Variants in SLC67A1 observed in about 807,000 individuals in gnomAD.
SLC67A1 encodes solute carrier family 67 member 1.
the SLC67A1 span, among the ~76,000 whole-genome samples, chr11:2,911,352 G>A: frequency 2.0e-5 from 3 of 151,738 alleles, no homozygotes; most frequent in African/African-American, 7.3e-5. Context: ...CTGGGAGGGT[G>A]TCCCTGGAGG....
At chr11:2,900,707 A>AAAAAAAAAAAG in the SLC67A1 span, among the ~76,000 whole-genome samples, 1 of 150,580 alleles carries the variant, frequency 6.6e-6, no homozygotes, top group African/African-American at 2.4e-5. Flanking sequence ...AAAAAAAAAA[A>AAAAAAAAAAAG]AAAAAAAAAA....
the SLC67A1 span, chr11:2,908,293 G>C: frequency 1.8e-5 from 29 of 1,613,716 alleles, no homozygotes; most frequent in Non-Finnish European, 2.3e-5. Flanking sequence ...AACCACCTTC[G>C]GGGTGCTGCA....
At chr11:2,903,255 A>T in the SLC67A1 span, 1 of 1,543,912 alleles carries the variant, frequency 6.5e-7, no homozygotes. Flanking sequence ...GTGACTCAGC[A>T]CCCCTGCCCG....
chr11:2,912,525 C>T, the SLC67A1 span, among the ~76,000 whole-genome samples: 2 of 152,260 alleles, frequency 1.3e-5, no homozygotes, highest in African/African-American at 4.8e-5. Context: ...CCTCCCTGCC[C>T]ACCCACCTGT....
At chr11:2,913,331 G>A in the SLC67A1 span, among the ~76,000 whole-genome samples, 1,865 of 152,306 alleles carry the variant, frequency 0.012, 21 homozygotes, top group Non-Finnish European at 0.018. Context: ...CTGTCCCTCA[G>A]GACAGCCCTG....
At chr11:2,903,327 C>T in the SLC67A1 span, 1 of 1,610,844 alleles carries the variant, frequency 6.2e-7, no homozygotes, top group Non-Finnish European at 8.5e-7. Context: ...CCTGGGTCTC[C>T]CTGCTGCGCC....
the SLC67A1 span, among the ~76,000 whole-genome samples, chr11:2,912,279 C>T: frequency 5.3e-5 from 8 of 152,230 alleles, no homozygotes; most frequent in East Asian, 1.9e-4. Context: ...ACACCTCCCC[C>T]TCGGGGGCTC....
chr11:2,903,493 A>G, the SLC67A1 span: 1 of 1,613,116 alleles, frequency 6.2e-7, no homozygotes, highest in South Asian at 1.1e-5. Context: ...CGTGCCAGTG[A>G]GTAACACACC....
chr11:2,903,730 C>T, the SLC67A1 span: 1 of 569,408 alleles, frequency 1.8e-6, no homozygotes, highest in Non-Finnish European at 3.2e-6. Flanking sequence ...GGGGAGCCAC[C>T]CCACTTCCCT....
the SLC67A1 span, among the ~76,000 whole-genome samples, chr11:2,915,721 C>T: frequency 3.9e-5 from 6 of 152,140 alleles, no homozygotes; most frequent in African/African-American, 9.7e-5. Context: ...AGAGGAAGGC[C>T]GTGGCGGTCC....
the SLC67A1 span, among the ~76,000 whole-genome samples, chr11:2,910,747 G>A: frequency 6.6e-6 from 1 of 152,172 alleles, no homozygotes; most frequent in Non-Finnish European, 1.5e-5. Context: ...GTGGGATGTG[G>A]GTGGGAACTC....
the SLC67A1 span, chr11:2,899,947 G>A: frequency 4.3e-5 from 21 of 486,894 alleles, no homozygotes; most frequent in South Asian, 1.0e-4. Flanking sequence ...CCCAGGAGGC[G>A]TCTGGAACCT....
At chr11:2,922,003 G>C in the SLC67A1 span, 1 of 886,858 alleles carries the variant, frequency 1.1e-6, no homozygotes, top group Non-Finnish European at 1.9e-6. Flanking sequence ...GCCACCACAG[G>C]CCAGTCTGGA....
At chr11:2,914,620 C>A in the SLC67A1 span, 39 of 795,008 alleles carry the variant, frequency 4.9e-5, no homozygotes, top group African/African-American at 6.9e-4. Flanking sequence ...TCCTGTTGCC[C>A]ACAGCAGCAC....
chr11:2,910,605 G>A, the SLC67A1 span, among the ~76,000 whole-genome samples: 93 of 152,250 alleles, frequency 6.1e-4, no homozygotes, highest in African/African-American at 2.2e-3. Flanking sequence ...AGAATGGGGG[G>A]TGAGCTCCCC....
chr11:2,918,097 T>C, the SLC67A1 span: 1 of 1,611,230 alleles, frequency 6.2e-7, no homozygotes, highest in African/African-American at 1.3e-5. Flanking sequence ...GCCCCACAGG[T>C]GAGTCCCAAC....
At chr11:2,903,540 T>TTCC in the SLC67A1 span, 4 of 1,600,466 alleles carry the variant, frequency 2.5e-6, no homozygotes, top group Admixed American at 6.7e-5. Flanking sequence ...TGAACCGCTG[T>TTCC]TCCTCCTGCC....
chr11:2,919,277 A>G, the SLC67A1 span: 2 of 1,518,850 alleles, frequency 1.3e-6, no homozygotes, highest in Non-Finnish European at 1.8e-6. Flanking sequence ...GTGTGGGGGT[A>G]CTCACCCCTG....
At chr11:2,918,914 C>A in the SLC67A1 span, 1 of 193,984 alleles carries the variant, frequency 5.2e-6, no homozygotes. Flanking sequence ...AGGCTGGTCT[C>A]AAACTCCTGG....
Sources: allele counts gnomAD v4.1 joint callset (sites outside exome capture counted in the v4.1 genomes callset), GRCh38; gene constraint gnomAD v4.1.1; transcripts MANE v1.5; gene names NCBI Gene and HGNC (gene_info 2026-07-23, HGNC 2026-07-21).